LGSN: variants seen among roughly 807,000 people sequenced by gnomAD.
The protein encoded by LGSN is lengsin, lens protein with glutamine synthetase domain, also known as lengsin.
Under a neutral mutation model 19.5 loss-of-function variants are expected in LGSN, and 21 were observed. The ratio of observed to expected loss-of-function variants is 1.07; its 90% CI spans 0.76 to 1.55. The LOEUF (loss-of-function observed/expected upper bound fraction) is 1.55. Among genes scored for constraint, LGSN ranks in the 40% most tolerant of loss-of-function variants. The pLI is 0.00. For missense variants in LGSN, 673 were observed against 608.5 expected, an observed-to-expected ratio of 1.11 and a Z score of -1.12; for synonymous variants, 257 against 215.6, an observed-to-expected ratio of 1.19 and a Z score of -1.68.
chr6:63,294,972 ACTTT>A lies in LGSN; in HGVS notation c.100_103del (p.Lys34SerfsTer23). The A allele has an allele frequency of 6.2e-7, 1 of 1,613,712 alleles. No individual in the cohort carries two copies. Among genetic ancestry groups the A allele is most frequent in the Non-Finnish European group, 8.5e-7 (1 of 1,179,770 alleles). On this transcript the variant is annotated frameshift_variant, in exon 2 of 4. Coordinates refer to ENST00000370657, the MANE Select transcript of LGSN (RefSeq NM_016571.3). LOFTEE classifies it high-confidence loss of function. ...AGTTGAACAAACATATGGTTTAGTG[ACTTT>A]CTTCCTTGTCCTTCTTAATGTGTTC...
Position 63,285,574 on chromosome 6 carries a change from G to A in LGSN, c.330+13C>T. The A allele has an allele frequency of 6.2e-7, 1 of 1,604,220 alleles. No homozygotes were observed. ...CATGAAATTACATTTAGTCACAACT[G>A]TGTAAAACTCACTTGAAAAAAGTGT... On this transcript the variant is annotated intron_variant, in intron 3 of 3. Transcript: ENST00000370657.
chr6:63,490,024 A>T, the LGSN span, among the ~76,000 whole-genome samples: 3 of 152,260 alleles, frequency 2.0e-5, no homozygotes, highest in African/African-American at 7.2e-5. Flanking sequence ...TTTTATTTTT[A>T]AAATATAGAA....
At chr6:63,294,346 T>A (rs911676709) in intron 2 of LGSN, among the ~76,000 whole-genome samples, 2 of 151,678 alleles carry the variant, frequency 1.3e-5, no homozygotes, top group Non-Finnish European at 2.9e-5. Context: ...AAAAAATAAA[T>A]TAATTAATTA....
rs1408379266 is a variant in LGSN, at chr6:63,277,258, T to C, written c.*2763A>G. ...TTATGGTAAAATGAAGTCAATGCAT[T>C]AGACATGTTTCATTAAGGCCCGTGG... On this transcript the variant is annotated 3_prime_UTR_variant, in exon 4 of 4. Transcript: ENST00000370657. 6.6e-6 allele frequency: 1 copy of C among 152,202 alleles called. No individual in the cohort carries two copies. Among genetic ancestry groups the C allele is most frequent in the Non-Finnish European group, 1.5e-5 (1 of 68,032 alleles). The allele number at this position is 152,202 out of a possible 1,614,324, so 9.4% of individuals were successfully genotyped here.
At chr6:63,324,878 C>T (rs1014019908), upstream of LGSN, among the ~76,000 whole-genome samples, 5 of 151,300 alleles carry the variant, frequency 3.3e-5, no homozygotes, top group Middle Eastern at 3.5e-3. Flanking sequence ...GAGGCCGAGG[C>T]GGTCACATCA....
chr6:63,359,738 G>T, the LGSN span, among the ~76,000 whole-genome samples: 1 of 151,960 alleles, frequency 6.6e-6, no homozygotes, highest in African/African-American at 2.4e-5. Flanking sequence ...TTCTTTATTA[G>T]TCTTGCTGGT....
At chr6:63,541,735 G>C in the LGSN span, among the ~76,000 whole-genome samples, 3 of 152,034 alleles carry the variant, frequency 2.0e-5, no homozygotes, top group Admixed American at 6.6e-5. Context: ...CATTAAAAAA[G>C]ATGCATTTAT....
the LGSN span, among the ~76,000 whole-genome samples, chr6:63,336,948 G>T: frequency 1.4e-5 from 2 of 147,824 alleles, no homozygotes; most frequent in Non-Finnish European, 3.0e-5. Context: ...TTTTGAGATG[G>T]AGTCTCACCC....
the LGSN span, among the ~76,000 whole-genome samples, chr6:63,530,399 TG>T: frequency 6.6e-6 from 1 of 152,206 alleles, no homozygotes; most frequent in Non-Finnish European, 1.5e-5. Flanking sequence ...TGGTTTGCCC[TG>T]CCTTTTATTC....
At chr6:63,439,571 T>C in the LGSN span, among the ~76,000 whole-genome samples, 2 of 152,136 alleles carry the variant, frequency 1.3e-5, no homozygotes, top group African/African-American at 2.4e-5. Context: ...GTCTGAAGTA[T>C]GGGACAGGAG....
At chr6:63,555,133 A>G in the LGSN span, among the ~76,000 whole-genome samples, 1 of 152,182 alleles carries the variant, frequency 6.6e-6, no homozygotes, top group African/African-American at 2.4e-5. Context: ...TTCTGGTAAT[A>G]TAAGAATAGT....
chr6:63,287,984 G>A (rs1379416626), intron 2 of LGSN, among the ~76,000 whole-genome samples: 1 of 151,938 alleles, frequency 6.6e-6, no homozygotes, highest in Non-Finnish European at 1.5e-5. Flanking sequence ...GGGAGGCCGA[G>A]GCAGGTGGAT....
chr6:63,525,858 T>TAAA, the LGSN span, among the ~76,000 whole-genome samples: 1 of 152,362 alleles, frequency 6.6e-6, no homozygotes, highest in Admixed American at 6.5e-5. Flanking sequence ...TTTTCCTGAC[T>TAAA]AAACCCTGAC....
At chr6:63,285,330 G>T (rs1767481584) in intron 3 of LGSN, among the ~76,000 whole-genome samples, 1 of 152,146 alleles carries the variant, frequency 6.6e-6, no homozygotes. Context: ...TTCAAGGCAG[G>T]ACTAAAATTA....
chr6:63,435,113 G>A, the LGSN span, among the ~76,000 whole-genome samples: 65 of 152,274 alleles, frequency 4.3e-4, no homozygotes, highest in African/African-American at 1.5e-3. Flanking sequence ...GACCCACCAC[G>A]GAGATGCCAT....
At chr6:63,294,871 C>T (rs1033565284) in intron 2 of LGSN, 42 bp downstream of exon 2, 5 of 1,605,834 alleles carry the variant, frequency 3.1e-6, no homozygotes, top group Middle Eastern at 1.6e-4. Flanking sequence ...TGGAGATTGC[C>T]TCTGACCACA....
the LGSN span, among the ~76,000 whole-genome samples, chr6:63,462,072 C>T: frequency 6.6e-6 from 1 of 152,200 alleles, no homozygotes; most frequent in Non-Finnish European, 1.5e-5. Flanking sequence ...AGAATTCTTT[C>T]TCTTCCAGGT....
the LGSN span, among the ~76,000 whole-genome samples, chr6:63,388,040 G>GTTT: frequency 1.6e-4 from 21 of 129,436 alleles, no homozygotes; most frequent in African/African-American, 5.6e-4. Context: ...TAATTTTTTT[G>GTTT]TTTTTTTTTT....
At chr6:63,510,660 A>ATTTTT in the LGSN span, among the ~76,000 whole-genome samples, 13 of 111,978 alleles carry the variant, frequency 1.2e-4, no homozygotes, top group Non-Finnish European at 1.6e-4. Context: ...CAAGAAGCGA[A>ATTTTT]TTTTTTTTTT....
Sources: allele counts gnomAD v4.1 joint callset (sites outside exome capture counted in the v4.1 genomes callset), GRCh38; gene constraint gnomAD v4.1.1; transcripts MANE v1.5; gene names NCBI Gene and HGNC (gene_info 2026-07-23, HGNC 2026-07-21).